GPC5: variants seen among roughly 807,000 people sequenced by gnomAD.
GPC5 encodes glypican-5.
In GPC5, 47 loss-of-function variants were observed where a neutral mutation model predicts 53.9. The ratio of observed to expected loss-of-function variants is 0.87; its 90% CI spans 0.69 to 1.11. The LOEUF (loss-of-function observed/expected upper bound fraction) is 1.11, where lower values mean the gene tolerates loss of function less well. GPC5 is among the 50% of genes most tolerant of loss of function. The pLI, the probability that GPC5 is intolerant of heterozygous loss-of-function variation, is 0.00. For missense variants in GPC5, 748 were observed against 713.1 expected, an observed-to-expected ratio of 1.05 and a Z score of -0.56; for synonymous variants, 286 against 263.3, an observed-to-expected ratio of 1.09 and a Z score of -0.84.
chr13:91,618,522 C>T (rs1030748551), intron 2 of GPC5, among the ~76,000 whole-genome samples: 3 of 152,052 alleles, frequency 2.0e-5, no homozygotes, highest in Non-Finnish European at 2.9e-5. Context: ...GTACACAGCC[C>T]GGTTCATGTG....
At chr13:92,769,931 C>T (rs1373276587) in intron 7 of GPC5, among the ~76,000 whole-genome samples, 3 of 152,204 alleles carry the variant, frequency 2.0e-5, no homozygotes, top group Non-Finnish European at 4.4e-5. Context: ...TCTTAAACTC[C>T]TTTGTGCTTT....
At chr13:91,772,958 A>G (rs964375700) in intron 5 of GPC5, among the ~76,000 whole-genome samples, 2 of 152,182 alleles carry the variant, frequency 1.3e-5, no homozygotes, top group Non-Finnish European at 2.9e-5. Context: ...TTAAAAAAAT[A>G]TGGAAGAACA....
chr13:92,368,034 G>A (rs1459380609), intron 7 of GPC5, among the ~76,000 whole-genome samples: 1 of 152,122 alleles, frequency 6.6e-6, no homozygotes, highest in Non-Finnish European at 1.5e-5. Context: ...ACCCAGCCTG[G>A]AGTGCAGTGG....
In GPC5 at chr13:91,728,649, C is replaced by T. The variant is rs2036628772; in HGVS notation, c.1138C>T (p.Leu380Phe). ...KTTTRNSEET[L>F]ANRRKEFINS... ...CACCACAAGGAACAGTGAAGAGACGCTTGCCAACAGAAGAAAGTAAGACAT... is the reference window on the plus strand; with the variant it reads ...CACCACAAGGAACAGTGAAGAGACGTTTGCCAACAGAAGAAAGTAAGACAT... Residue 380 changes from leucine (L) to phenylalanine (F), a missense_variant, in exon 4 of 8, where the codon CTT becomes TTT. Leu to Phe is a conservative substitution (Grantham distance 22, BLOSUM62 0). Transcript: ENST00000377067. 6.2e-7 allele frequency: 1 copy of T among 1,610,188 alleles called. No individual in the cohort carries two copies. The highest frequency in any genetic ancestry group is 8.5e-7 in the Non-Finnish European group (1 of 1,178,070).
At chr13:92,786,232 G>A (rs1644301299) in intron 7 of GPC5, among the ~76,000 whole-genome samples, 1 of 152,190 alleles carries the variant, frequency 6.6e-6, no homozygotes, top group Non-Finnish European at 1.5e-5. Flanking sequence ...AATAAAATGT[G>A]GGATGTAGAA....
At position 92,348,199 on chromosome 13, in the gene GPC5, C is replaced by T. The variant is rs541708090; in HGVS notation, c.1561+203210C>T. Reference sequence around the variant, plus strand: ...AAGTAACTGAAAGGATAAAAAAGCCCCAACTATTTGCTGGCTGTAAGAGCC... The same window carrying T: ...AAGTAACTGAAAGGATAAAAAAGCCTCAACTATTTGCTGGCTGTAAGAGCC... On this transcript the variant is annotated intron_variant, in intron 7 of 7. Coordinates refer to ENST00000377067, the MANE Select transcript of GPC5 (RefSeq NM_004466.6). 5.3e-5 allele frequency among the ~76,000 whole-genome samples: 8 copies of T among 150,888 alleles called. No individual in the cohort carries two copies. In the East Asian group the frequency reaches 1.6e-3, roughly 30 times the overall value.
chr13:92,097,819 A>T (rs2138906647), intron 6 of GPC5, among the ~76,000 whole-genome samples: 1 of 152,324 alleles, frequency 6.6e-6, no homozygotes, highest in Non-Finnish European at 1.5e-5. Flanking sequence ...ATTTCATGAA[A>T]AATGAATGAT....
intron 7 of GPC5, among the ~76,000 whole-genome samples, chr13:92,646,033 C>T (rs1885755568): frequency 6.6e-6 from 1 of 151,856 alleles, no homozygotes; most frequent in African/African-American, 2.4e-5. Context: ...TTCATAAAGT[C>T]CAATATTTCT....
At chr13:92,304,910 C>A (rs2043100979) in intron 7 of GPC5, among the ~76,000 whole-genome samples, 2 of 152,104 alleles carry the variant, frequency 1.3e-5, no homozygotes, top group Admixed American at 1.3e-4. Context: ...CTTTGTTAAA[C>A]CATTTAGTGC....
At chr13:92,052,768 G>T (rs1384358600) in intron 6 of GPC5, among the ~76,000 whole-genome samples, 1 of 152,186 alleles carries the variant, frequency 6.6e-6, no homozygotes, top group Non-Finnish European at 1.5e-5. Flanking sequence ...AGAGACATCA[G>T]TAGAAAGAGC....
chr13:91,810,419 T>G (rs2138802242), intron 5 of GPC5, among the ~76,000 whole-genome samples: 1 of 152,134 alleles, frequency 6.6e-6, no homozygotes, highest in South Asian at 2.1e-4. Context: ...ATGGTTGAAC[T>G]TAAAGTCCAA....
At chr13:92,637,168 G>A (rs1176126643) in intron 7 of GPC5, among the ~76,000 whole-genome samples, 4 of 151,992 alleles carry the variant, frequency 2.6e-5, no homozygotes, top group Non-Finnish European at 4.4e-5. Context: ...CCAGATTCCT[G>A]ACAAAAATGA....
intron 2 of GPC5, among the ~76,000 whole-genome samples, chr13:91,475,173 A>G (rs1882859512): frequency 6.6e-6 from 1 of 152,082 alleles, no homozygotes; most frequent in Admixed American, 6.5e-5. Flanking sequence ...TTTTTATTCT[A>G]TCCTTCTCCT....
intron 6 of GPC5, among the ~76,000 whole-genome samples, chr13:91,981,408 G>A (rs2040357675): frequency 6.6e-6 from 1 of 151,682 alleles, no homozygotes; most frequent in African/African-American, 2.4e-5. Context: ...TCCTGCCTCA[G>A]CCTCCCAAGT....
chr13:91,710,948 C>T (rs1594463014), intron 3 of GPC5, among the ~76,000 whole-genome samples: 1 of 152,306 alleles, frequency 6.6e-6, no homozygotes, highest in South Asian at 2.1e-4. Flanking sequence ...CCACGCAGAT[C>T]ATGTCAAAGG....
chr13:91,789,025 C>G (rs2037922240), intron 5 of GPC5, among the ~76,000 whole-genome samples: 3 of 152,020 alleles, frequency 2.0e-5, no homozygotes, highest in Non-Finnish European at 4.4e-5. Flanking sequence ...ACCAGCCTGG[C>G]CAACATGGCG....
intron 7 of GPC5, among the ~76,000 whole-genome samples, chr13:92,316,820 T>A (rs1406229213): frequency 6.6e-6 from 1 of 152,140 alleles, no homozygotes; most frequent in Non-Finnish European, 1.5e-5. Context: ...GAGCTTTATT[T>A]CTTTTATGTT....
At chr13:92,737,921 C>T (rs556284741) in intron 7 of GPC5, among the ~76,000 whole-genome samples, 1 of 151,624 alleles carries the variant, frequency 6.6e-6, no homozygotes, top group African/African-American at 2.4e-5. Context: ...CATGTGTCAC[C>T]ATGCCTGCCT....
chr13:92,747,079 A>G (rs1429521787), intron 7 of GPC5, among the ~76,000 whole-genome samples: 2 of 152,168 alleles, frequency 1.3e-5, no homozygotes, highest in Admixed American at 1.3e-4. Context: ...CAGTTATACA[A>G]TCTTATGGGA....
Sources: allele counts gnomAD v4.1 joint callset (sites outside exome capture counted in the v4.1 genomes callset), GRCh38; gene constraint gnomAD v4.1.1; transcripts MANE v1.5; gene names NCBI Gene and HGNC (gene_info 2026-07-23, HGNC 2026-07-21).